ODAD2: variants seen among roughly 807,000 people sequenced by gnomAD.
The protein encoded by ODAD2 is outer dynein arm docking complex subunit 2, also known as outer dynein arm-docking complex subunit 2.
A neutral mutation model predicts 106.8 loss-of-function variants in ODAD2; 89 were observed. That is an observed-to-expected ratio of 0.83 (90% CI 0.70 to 0.99). The LOEUF (loss-of-function observed/expected upper bound fraction) is 0.99, where lower values mean the gene tolerates loss of function less well. ODAD2 is among the 50% of genes least tolerant of loss of function. The pLI is 0.00. For synonymous variants in ODAD2, 404 were observed against 436.2 expected, an observed-to-expected ratio of 0.93 and a Z score of 0.92; for missense variants, 1,168 against 1,238.5, an observed-to-expected ratio of 0.94 and a Z score of 0.85.
At position 27,977,727 on chromosome 10, in the gene ODAD2, A is replaced by G. The variant is rs1425502031; in HGVS notation, c.936+3739T>C. Among the ~76,000 whole-genome samples, 3 of 152,362 alleles carry G rather than the reference A, an allele frequency of 2.0e-5. No homozygotes were observed. The East Asian group carries it at 5.8e-4, about 29-fold the overall frequency. ...CTGAATAGCCCAATGAAAAAAACAG[A>G]CAAAGAGTCCAAATAGACACTTTAC... On this transcript the variant is annotated intron_variant, in intron 7 of 19. Transcript: ENST00000305242.
intron 18 of ODAD2, 130 bp downstream of exon 18, chr10:27,862,304 T>C (rs950905293): frequency 1.7e-6 from 1 of 574,284 alleles, no homozygotes; most frequent in African/African-American, 1.9e-5. Context: ...GTTGACCAAA[T>C]CTCATACCTC....
chr10:27,865,741 A>G (rs746011673), intron 17 of ODAD2, among the ~76,000 whole-genome samples: 8 of 152,218 alleles, frequency 5.3e-5, no homozygotes, highest in Non-Finnish European at 1.2e-4. Flanking sequence ...TCATAGCCTT[A>G]AAAGAAAGCT....
intron 1 of ODAD2, among the ~76,000 whole-genome samples, chr10:27,997,287 A>G (rs907160163): frequency 1.3e-5 from 2 of 152,248 alleles, no homozygotes; most frequent in African/African-American, 2.4e-5. Flanking sequence ...GTTGTGTAAA[A>G]TAAGTGCAAA....
intron 19 of ODAD2, among the ~76,000 whole-genome samples, chr10:27,849,987 C>T (rs1839123260): frequency 6.6e-6 from 1 of 152,132 alleles, no homozygotes; most frequent in East Asian, 1.9e-4. Context: ...TCAGGGGAAC[C>T]CGAAGTTCCA....
At chr10:27,851,380 A>G (rs1839249041) in intron 19 of ODAD2, among the ~76,000 whole-genome samples, 1 of 152,176 alleles carries the variant, frequency 6.6e-6, no homozygotes, top group East Asian at 1.9e-4. Flanking sequence ...CCAAAAAATA[A>G]AAACCCATCA....
At chr10:27,839,416 T>C (rs1029694913) in intron 19 of ODAD2, among the ~76,000 whole-genome samples, 2 of 152,230 alleles carry the variant, frequency 1.3e-5, no homozygotes, top group African/African-American at 2.4e-5. Context: ...TAGTTTCTTC[T>C]AAACCAAACA....
chr10:27,958,448 C>G (rs979611556), intron 10 of ODAD2, among the ~76,000 whole-genome samples: 14 of 152,166 alleles, frequency 9.2e-5, no homozygotes, highest in African/African-American at 3.4e-4. Flanking sequence ...CCATTAAATC[C>G]TAAGGGAGAA....
intron 7 of ODAD2, among the ~76,000 whole-genome samples, chr10:27,974,579 T>G (rs959688985): frequency 6.6e-6 from 1 of 152,146 alleles, no homozygotes; most frequent in Non-Finnish European, 1.5e-5. Context: ...TCTGTTTCAT[T>G]GGTCTATGTG....
chr10:27,955,709 GTGT>G (rs1847679316), intron 10 of ODAD2, among the ~76,000 whole-genome samples: 1 of 73,816 alleles, frequency 1.4e-5, no homozygotes, highest in Non-Finnish European at 3.8e-5. Flanking sequence ...GTGTGTGTGT[GTGT>G]GTGTGTGTGT....
intron 15 of ODAD2, among the ~76,000 whole-genome samples, chr10:27,935,907 T>A (rs2134093695): frequency 6.6e-6 from 1 of 151,892 alleles, no homozygotes; most frequent in East Asian, 1.9e-4. Flanking sequence ...GCATGCTACA[T>A]AAAGGTAAAT....
intron 17 of ODAD2, among the ~76,000 whole-genome samples, chr10:27,880,698 C>T (rs1841644067): frequency 1.3e-5 from 2 of 152,152 alleles, no homozygotes; most frequent in African/African-American, 4.8e-5. Context: ...CAACCAAGTG[C>T]CATCTTGGAA....
intron 19 of ODAD2, among the ~76,000 whole-genome samples, chr10:27,858,690 T>C (rs1839828410): frequency 6.6e-6 from 1 of 152,208 alleles, no homozygotes; most frequent in African/African-American, 2.4e-5. Flanking sequence ...GGTAGGATAA[T>C]ATTCATAAAT....
At chr10:27,993,365 T>G (rs1850345278) in intron 2 of ODAD2, among the ~76,000 whole-genome samples, 1 of 152,144 alleles carries the variant, frequency 6.6e-6, no homozygotes, top group African/African-American at 2.4e-5. Context: ...AAATAAGATT[T>G]CAGGCCGGGC....
chr10:27,910,193 A>C (rs1374817698), intron 16 of ODAD2, among the ~76,000 whole-genome samples: 1 of 152,132 alleles, frequency 6.6e-6, no homozygotes, highest in Non-Finnish European at 1.5e-5. Context: ...ACACTTTTAG[A>C]ATTTCTGCAA....
rs2133859210 is a variant in ODAD2, at chr10:27,907,707, C to A, written c.2566G>T (p.Ala856Ser). 1 of 1,613,874 alleles carries A rather than the reference C, an allele frequency of 6.2e-7. No individual in the cohort carries two copies. The highest frequency in any genetic ancestry group is 2.2e-5 in the East Asian group (1 of 44,842). ...LLKNPHPDVKASAAWALCPCI... is the reference protein window; with the variant it reads ...LLKNPHPDVKSSAAWALCPCI... The stretch of plus-strand genomic sequence containing the variant: ...GGACAGAGTGCCCATGCTGCGCTGG[C>A]CTTCACGTCTGGGTGAGGATTTTTC... Residue 856 changes from alanine to serine, a missense_variant, in exon 17 of 20, where the codon GCC (alanine) becomes TCC (serine). Coordinates refer to ENST00000305242, the MANE Select transcript of ODAD2 (RefSeq NM_018076.5).
chr10:27,858,860 G>A (rs1260084152), intron 19 of ODAD2, among the ~76,000 whole-genome samples: 2 of 144,074 alleles, frequency 1.4e-5, no homozygotes, highest in Non-Finnish European at 3.0e-5. Context: ...CTGGAGTGCA[G>A]TGGTGTGATA....
Position 27,862,549 on chromosome 10 carries a change from T to C in ODAD2, c.2684A>G (p.Lys895Arg). 1 of 1,611,170 alleles carries C rather than the reference T, an allele frequency of 6.2e-7. No individual in the cohort carries two copies. The highest frequency in any genetic ancestry group is 1.1e-5 in the South Asian group (1 of 90,480). Residue 895 changes from lysine to arginine, a missense_variant, in exon 18 of 20, where the codon AAA (lysine) becomes AGA (arginine). Around this residue, in one of 3 missense-constraint regions of ODAD2, gnomAD observed 701 missense variants for 712.3 expected, o/e 0.98. Transcript: ENST00000305242. ...LIVNLLKSDN[K>R]EVLASVCAAI... is the part of the protein sequence containing the mutation. ...AGCACATACACTTGCCAGAACTTCTTTGTTATCTGATTTCAGTAAATTGAC... is the reference window on the plus strand; with the variant it reads ...AGCACATACACTTGCCAGAACTTCTCTGTTATCTGATTTCAGTAAATTGAC...
chr10:27,867,781 C>T (rs1008966156), intron 17 of ODAD2, among the ~76,000 whole-genome samples: 1 of 152,052 alleles, frequency 6.6e-6, no homozygotes, highest in African/African-American at 2.4e-5. Flanking sequence ...GAAATCCCAT[C>T]TCTACTATAA....
intron 2 of ODAD2, among the ~76,000 whole-genome samples, chr10:27,994,118 T>C (rs1055169128): frequency 2.6e-5 from 4 of 152,150 alleles, no homozygotes; most frequent in African/African-American, 9.6e-5. Context: ...TGTGTATATA[T>C]ATATTTTAGC....
Sources: gnomAD v4.1 joint callset for allele counts (sites outside exome capture counted in the v4.1 genomes callset) on GRCh38, gnomAD v4.1.1 for gene constraint, gnomAD v4.1.1 regional missense constraint, MANE v1.5 for transcripts, NCBI Gene and HGNC (gene_info 2026-07-23, HGNC 2026-07-21) for gene names.